Variants in PIK3AP1 observed in about 807,000 individuals in gnomAD.
PIK3AP1 encodes phosphoinositide-3-kinase adaptor protein 1, also known as phosphoinositide 3-kinase adapter protein 1.
In PIK3AP1, 21 loss-of-function variants were observed where a neutral mutation model predicts 88.1. That is an observed-to-expected ratio of 0.24 (90% CI 0.17 to 0.34). The LOEUF is 0.34. Ranked by LOEUF, PIK3AP1 falls within the 10% of genes least tolerant of loss-of-function variation. The probability of loss-of-function intolerance (pLI) is 1.00; values close to 1 mark genes in which losing one functional copy is unlikely to be tolerated. For missense variants in PIK3AP1, 828 were observed against 1,035.7 expected (o/e 0.80, Z 2.75); for synonymous variants, 398 against 400.0 (o/e 1.00, Z 0.06).
At chr10:96,687,226 G>A (rs541128799) in intron 2 of PIK3AP1, among the ~76,000 whole-genome samples, 3 of 135,050 alleles carry the variant, frequency 2.2e-5, no homozygotes, top group African/African-American at 8.7e-5. Flanking sequence ...ACCGCAGTCC[G>A]GCCTGGGCAA....
intron 16 of PIK3AP1, among the ~76,000 whole-genome samples, chr10:96,596,568 G>C (rs1480850600): frequency 6.6e-6 from 1 of 152,142 alleles, no homozygotes; most frequent in Non-Finnish European, 1.5e-5. Flanking sequence ...TGTTGAGAGA[G>C]GAATTGGAAT....
At chr10:96,612,964 A>T (rs71494062) in intron 13 of PIK3AP1, among the ~76,000 whole-genome samples, 2 of 108,876 alleles carry the variant, frequency 1.8e-5, no homozygotes, top group East Asian at 4.5e-4. Context: ...ATATATATAT[A>T]TATATATATA....
chr10:96,679,842 G>A (rs886996910), intron 2 of PIK3AP1, among the ~76,000 whole-genome samples: 2 of 152,138 alleles, frequency 1.3e-5, no homozygotes, highest in Admixed American at 6.5e-5. Flanking sequence ...AGGTCCAGAG[G>A]AAAAGAGAAA....
At chr10:96,660,044 G>C (rs1269140762) in intron 2 of PIK3AP1, among the ~76,000 whole-genome samples, 2 of 151,950 alleles carry the variant, frequency 1.3e-5, no homozygotes, top group Non-Finnish European at 2.9e-5. Context: ...AGAATGGATA[G>C]AGCAATTGAA....
intron 2 of PIK3AP1, among the ~76,000 whole-genome samples, chr10:96,703,773 A>T (rs1229790121): frequency 6.6e-6 from 1 of 152,200 alleles, no homozygotes; most frequent in African/African-American, 2.4e-5. Flanking sequence ...ATCAGTTAAA[A>T]AGGTTCTCGG....
intron 2 of PIK3AP1, among the ~76,000 whole-genome samples, chr10:96,682,804 T>C (rs961732879): frequency 6.6e-6 from 1 of 152,224 alleles, no homozygotes; most frequent in Non-Finnish European, 1.5e-5. Flanking sequence ...AGATACAACT[T>C]TTCCATCTCT....
rs1454167518 is a variant in PIK3AP1, at chr10:96,597,365, T to C, written c.2361-1731A>G. On this transcript the variant is annotated intron_variant, in intron 16 of 16. Coordinates refer to ENST00000339364, the MANE Select transcript of PIK3AP1 (RefSeq NM_152309.3). ...CTCCCTCCCTCCCTCCCTCTCTCTC[T>C]CTCTCTCTCTCTTTCTTTCTTTCTT... 4.2e-3 allele frequency among the ~76,000 whole-genome samples: 472 copies of C among 112,604 alleles called. 12 individuals are homozygous for C. The highest frequency in any genetic ancestry group is 0.016 in the African/African-American group (431 of 27,150). 73.9% of individuals were successfully genotyped at this position (112,604 alleles called of 152,430 possible). A position where few individuals can be genotyped will look rare whatever the true frequency, so the allele number is the denominator to read the frequency against.
At chr10:96,705,982 CT>C (rs1213637903) in intron 2 of PIK3AP1, among the ~76,000 whole-genome samples, 1 of 150,292 alleles carries the variant, frequency 6.7e-6, no homozygotes, top group Non-Finnish European at 1.5e-5. Flanking sequence ...CAAGCTCCGC[CT>C]CCCAGGTTCA....
At position 96,602,456 on chromosome 10, in the gene PIK3AP1, T is replaced by C. The variant is rs1848916126; in HGVS notation, c.2242-58A>G. ...AACTACATTCAGCAACCAGCATAGC[T>C]GGACAACCGTAACTCAAAAGCCCCT... On this transcript the variant is annotated intron_variant, in intron 15 of 16. Coordinates refer to ENST00000339364, the MANE Select transcript of PIK3AP1 (RefSeq NM_152309.3). 34 of 1,442,884 alleles carry C rather than the reference T, an allele frequency of 2.4e-5. 2 individuals carry two copies. The South Asian group carries it at 3.9e-4, about 16-fold the overall frequency. The allele number at this position is 1,442,884 out of a possible 1,614,324, so 89.4% of individuals were successfully genotyped here.
At chr10:96,676,314 T>TC (rs1222456869) in intron 2 of PIK3AP1, among the ~76,000 whole-genome samples, 1 of 151,412 alleles carries the variant, frequency 6.6e-6, no homozygotes, top group East Asian at 1.9e-4. Flanking sequence ...CTTGCTTTTT[T>TC]TTTTTTTTTT....
intron 8 of PIK3AP1, among the ~76,000 whole-genome samples, chr10:96,630,670 A>G (rs1296373367): frequency 1.3e-5 from 2 of 150,636 alleles, no homozygotes; most frequent in Non-Finnish European, 2.9e-5. Flanking sequence ...CCCTGTCTCT[A>G]TTAAAAAAAA....
At chr10:96,664,262 G>A (rs1023730305) in intron 2 of PIK3AP1, among the ~76,000 whole-genome samples, 5 of 152,104 alleles carry the variant, frequency 3.3e-5, no homozygotes, top group Admixed American at 2.0e-4. Context: ...CATGCGAAGC[G>A]AAAAAGCAGG....
At chr10:96,700,361 C>T (rs1844281460) in intron 2 of PIK3AP1, among the ~76,000 whole-genome samples, 1 of 152,088 alleles carries the variant, frequency 6.6e-6, no homozygotes, top group Admixed American at 6.6e-5. Context: ...CTATTGTAGG[C>T]ATTAGTCCTC....
At chr10:96,633,114 C>G in intron 8 of PIK3AP1, 1 of 1,516,214 alleles carries the variant, frequency 6.6e-7, no homozygotes, top group Non-Finnish European at 8.8e-7. Flanking sequence ...CTTCCAGGGT[C>G]ACCATGAGAG....
At chr10:96,625,050 C>T (rs4320890) in intron 10 of PIK3AP1, among the ~76,000 whole-genome samples, 133,091 of 152,192 alleles carry the variant, frequency 0.87, 59,049 homozygotes, top group East Asian at 1. Flanking sequence ...GACGGGGAAG[C>T]GGATGGTGCA....
In PIK3AP1 at chr10:96,671,314, C is replaced by T. The variant is rs1182922527; in HGVS notation, c.431-14380G>A. Among the ~76,000 whole-genome samples the T allele has an allele frequency of 1.3e-5, 2 of 152,222 alleles. 1 individual carries two copies. On this transcript the variant is annotated intron_variant, in intron 2 of 16. Transcript: ENST00000339364. Reference sequence around the variant, plus strand: ...TTAAGTTTCAATAACCCTCACCTTCCCCCACCTTCCTGGCAAACATCAAGA... The same window carrying T: ...TTAAGTTTCAATAACCCTCACCTTCTCCCACCTTCCTGGCAAACATCAAGA...
chr10:96,623,709 C>T (rs561471345), intron 10 of PIK3AP1, among the ~76,000 whole-genome samples, 172 bp from the exon 11 acceptor site: 1 of 152,122 alleles, frequency 6.6e-6, no homozygotes, highest in Non-Finnish European at 1.5e-5. Flanking sequence ...GCAGACTAAA[C>T]AGACACAATC....
chr10:96,611,525 A>G (rs1383260781), intron 13 of PIK3AP1, among the ~76,000 whole-genome samples: 1 of 152,056 alleles, frequency 6.6e-6, no homozygotes, highest in Non-Finnish European at 1.5e-5. Flanking sequence ...GCTGGAGTGC[A>G]GTGGCGCCAT....
chr10:96,624,146 C>T (rs1394332244), intron 10 of PIK3AP1, among the ~76,000 whole-genome samples: 1 of 152,216 alleles, frequency 6.6e-6, no homozygotes, highest in East Asian at 1.9e-4. Flanking sequence ...GTGGCTTGAC[C>T]TCTTCCTGTC....
Sources: gnomAD v4.1 joint callset for allele counts (sites outside exome capture counted in the v4.1 genomes callset) on GRCh38, gnomAD v4.1.1 for gene constraint, MANE v1.5 for transcripts, NCBI Gene and HGNC (gene_info 2026-07-23, HGNC 2026-07-21) for gene names.